Variants in NUDT3 observed in about 807,000 individuals in gnomAD.
NUDT3 encodes the protein diphosphoinositol polyphosphate phosphohydrolase 1.
Under a neutral mutation model 23.6 loss-of-function variants are expected in NUDT3, and 9 were observed. The ratio of observed to expected loss-of-function variants is 0.38; its 90% CI spans 0.23 to 0.66. The LOEUF (loss-of-function observed/expected upper bound fraction) is 0.66. Ranked by LOEUF, NUDT3 falls within the 30% of genes least tolerant of loss-of-function variation. The pLI is 0.52. For missense variants in NUDT3, 172 were observed against 218.5 expected (o/e 0.79, Z 1.34); for synonymous variants, 86 against 82.6 (o/e 1.04, Z -0.22).
intron 1 of NUDT3, among the ~76,000 whole-genome samples, chr6:34,349,982 C>T (rs1442005961): frequency 2.0e-5 from 3 of 149,588 alleles, no homozygotes; most frequent in Non-Finnish European, 4.4e-5. Context: ...CCCAGCTACT[C>T]GGGAGGCTAG....
intron 1 of NUDT3, among the ~76,000 whole-genome samples, chr6:34,366,755 T>C (rs1208493383): frequency 6.6e-6 from 1 of 151,940 alleles, no homozygotes; most frequent in Non-Finnish European, 1.5e-5. Context: ...AGAGTATCAG[T>C]TAGTGAAGAT....
At chr6:34,380,616 A>C (rs1182149879) in intron 1 of NUDT3, among the ~76,000 whole-genome samples, 1 of 152,216 alleles carries the variant, frequency 6.6e-6, no homozygotes, top group African/African-American at 2.4e-5. Flanking sequence ...TGTTAGTTAC[A>C]GGGTTCAAAA....
rs1763320231 is a variant in NUDT3 at position 34,285,271 on chromosome 6, C to A, written c.*3482G>T. On this transcript the variant is annotated 3_prime_UTR_variant, in exon 5 of 5. Coordinates refer to ENST00000607016, the MANE Select transcript of NUDT3 (RefSeq NM_006703.4). ...CTGTTTCTGGAAGACTACAGAAAAT[C>A]TAACATGGTTGACACTTCCTGGTAG... 1 of 152,244 alleles carries A rather than the reference C, an allele frequency of 6.6e-6. No homozygotes were observed. Among genetic ancestry groups the A allele is most frequent in the Admixed American group, 6.5e-5 (1 of 15,282 alleles). 9.4% of individuals were successfully genotyped at this position (152,244 alleles called of 1,614,324 possible).
intron 2 of NUDT3, among the ~76,000 whole-genome samples, chr6:34,325,728 T>C (rs1232766611): frequency 1.3e-5 from 2 of 152,208 alleles, no homozygotes; most frequent in Non-Finnish European, 2.9e-5. Context: ...ACATATAATG[T>C]ACTAAGACAT....
intron 1 of NUDT3, among the ~76,000 whole-genome samples, chr6:34,365,100 T>C (rs1222282645): frequency 6.6e-6 from 1 of 152,148 alleles, no homozygotes; most frequent in East Asian, 1.9e-4. Context: ...TGTTGACAAG[T>C]AATTTCCAGA....
intron 2 of NUDT3, among the ~76,000 whole-genome samples, chr6:34,312,759 G>A (rs1445468979): frequency 1.3e-5 from 2 of 152,196 alleles, no homozygotes; most frequent in Admixed American, 1.3e-4. Context: ...CGGAAGCAAC[G>A]TCCGAGTCCA....
chr6:34,371,994 T>C (rs530963594), intron 1 of NUDT3, among the ~76,000 whole-genome samples: 14 of 152,328 alleles, frequency 9.2e-5, no homozygotes, highest in Non-Finnish European at 5.9e-5. Flanking sequence ...ACACGCAGTG[T>C]TTGGTTTTCT....
intron 1 of NUDT3, among the ~76,000 whole-genome samples, chr6:34,376,139 C>G (rs569456848): frequency 6.6e-6 from 1 of 152,220 alleles, no homozygotes; most frequent in Non-Finnish European, 1.5e-5. Context: ...CATGACAAAA[C>G]CAAAGTTCCA....
chr6:34,311,333 AC>A (rs1329743269), intron 2 of NUDT3, among the ~76,000 whole-genome samples: 1 of 152,260 alleles, frequency 6.6e-6, no homozygotes, highest in Non-Finnish European at 1.5e-5. Flanking sequence ...CATTTAATTT[AC>A]ATTAGCACCT....
intron 2 of NUDT3, among the ~76,000 whole-genome samples, chr6:34,331,057 A>G (rs1269238480): frequency 6.6e-6 from 1 of 152,054 alleles, no homozygotes; most frequent in Non-Finnish European, 1.5e-5. Flanking sequence ...GTTTCACCAT[A>G]TTGGCCAGGC....
At chr6:34,291,016 G>C (rs986085692) in intron 4 of NUDT3, among the ~76,000 whole-genome samples, 2 of 151,760 alleles carry the variant, frequency 1.3e-5, no homozygotes, top group Non-Finnish European at 2.9e-5. Flanking sequence ...CTGGAGTGCA[G>C]TGGCGTTATC....
At chr6:34,392,216 AG>A in intron 1 of NUDT3, 47 bp downstream of exon 1, 12 of 1,471,548 alleles carry the variant, frequency 8.2e-6, no homozygotes, top group Non-Finnish European at 1.0e-5. Flanking sequence ...CTCCACCCGA[AG>A]GGGCCGGAGA....
At chr6:34,380,938 C>A (rs1413624960) in intron 1 of NUDT3, among the ~76,000 whole-genome samples, 2 of 152,192 alleles carry the variant, frequency 1.3e-5, no homozygotes, top group Non-Finnish European at 2.9e-5. Context: ...CCCTGACACT[C>A]TAGCTCATCT....
At chr6:34,308,088 T>C (rs1763708813) in intron 2 of NUDT3, among the ~76,000 whole-genome samples, 1 of 110,048 alleles carries the variant, frequency 9.1e-6, no homozygotes, top group African/African-American at 3.6e-5. Flanking sequence ...GCCACTGCAC[T>C]CCAGCTGGGA....
chr6:34,371,328 C>T (rs1220997019), intron 1 of NUDT3, among the ~76,000 whole-genome samples: 4 of 150,096 alleles, frequency 2.7e-5, no homozygotes, highest in South Asian at 4.2e-4. Flanking sequence ...ATTAGCTGGG[C>T]GTGGTGGCGT....
intron 1 of NUDT3, 50 bp from the exon 2 acceptor site, chr6:34,342,022 T>C (rs753761897): frequency 2.0e-6 from 3 of 1,533,766 alleles, no homozygotes; most frequent in Non-Finnish European, 2.7e-6. Flanking sequence ...CAAAGACACA[T>C]CCACACAAAT....
At chr6:34,324,512 C>T (rs1428339993) in intron 2 of NUDT3, among the ~76,000 whole-genome samples, 2 of 152,142 alleles carry the variant, frequency 1.3e-5, no homozygotes, top group Admixed American at 6.5e-5. Context: ...TCAAGTGATC[C>T]TCCTGCCTTG....
intron 1 of NUDT3, among the ~76,000 whole-genome samples, chr6:34,387,059 G>A (rs986986641): frequency 1.3e-5 from 2 of 152,122 alleles, no homozygotes; most frequent in Non-Finnish European, 2.9e-5. Context: ...GCAGTGAGCT[G>A]TGATCACACC....
At chr6:34,293,126 G>A (rs1763448395) in intron 4 of NUDT3, among the ~76,000 whole-genome samples, 1 of 152,114 alleles carries the variant, frequency 6.6e-6, no homozygotes, top group Non-Finnish European at 1.5e-5. Context: ...GCAGTGGCAT[G>A]ATTATGGCTC....
Sources: allele counts gnomAD v4.1 joint callset (sites outside exome capture counted in the v4.1 genomes callset), GRCh38; gene constraint gnomAD v4.1.1; transcripts MANE v1.5; gene names NCBI Gene and HGNC (gene_info 2026-07-23, HGNC 2026-07-21).